FBXW7: variants seen among roughly 807,000 people sequenced by gnomAD.
FBXW7 encodes F-box/WD repeat-containing protein 7.
A neutral mutation model predicts 86.3 loss-of-function variants in FBXW7; 11 were observed. That is an observed-to-expected ratio of 0.13 (90% CI 0.08 to 0.21). The LOEUF (loss-of-function observed/expected upper bound fraction) is 0.21, where lower values mean the gene tolerates loss of function less well. Among genes scored for constraint, FBXW7 ranks in the 10% least tolerant of loss-of-function variants. FBXW7 has a pLI of 1.00. For synonymous variants in FBXW7, 313 were observed against 297.9 expected (o/e 1.05, Z -0.52); for missense variants, 488 against 847.4 (o/e 0.58, Z 5.27).
chr4:152,436,095 A>G (rs1347230002), intron 2 of FBXW7, among the ~76,000 whole-genome samples: 4 of 152,230 alleles, frequency 2.6e-5, no homozygotes, highest in African/African-American at 9.6e-5. Context: ...ATAATCCTAA[A>G]ATGGCCTCTA....
rs570023389 is a variant in FBXW7, at chr4:152,529,751, G to A, written c.-120+5190C>T. Among the ~76,000 whole-genome samples, 5 of 152,182 alleles carry A rather than the reference G, an allele frequency of 3.3e-5. No homozygotes were observed. The South Asian group carries it at 1.0e-3, about 32-fold the overall frequency. ...GGAGGTCGAGGTAGATGGATTACCT[G>A]AGCTCAGGAGTTAAGAGACCAGCCT... On this transcript the variant is annotated intron_variant, in intron 2 of 13. Transcript: ENST00000281708.
chr4:152,504,070 TTAAG>T (rs564135036), intron 2 of FBXW7, among the ~76,000 whole-genome samples: 15 of 152,202 alleles, frequency 9.9e-5, no homozygotes, highest in South Asian at 2.1e-4. Flanking sequence ...CTTTTCACTA[TTAAG>T]TAATAAAAGA....
At chr4:152,422,429 G>T (rs978360594) in intron 2 of FBXW7, among the ~76,000 whole-genome samples, 10 of 152,066 alleles carry the variant, frequency 6.6e-5, no homozygotes, top group Admixed American at 4.6e-4. Flanking sequence ...ACAGACATCA[G>T]GCATTTTAAG....
At chr4:152,327,594 G>C (rs894803227) in intron 11 of FBXW7, among the ~76,000 whole-genome samples, 4 of 152,022 alleles carry the variant, frequency 2.6e-5, no homozygotes, top group Non-Finnish European at 4.4e-5. Flanking sequence ...TTGAAAACTG[G>C]ATCGAGGATT....
At chr4:152,360,642 T>C (rs1732845857) in intron 4 of FBXW7, among the ~76,000 whole-genome samples, 2 of 152,040 alleles carry the variant, frequency 1.3e-5, no homozygotes, top group African/African-American at 4.8e-5. Flanking sequence ...TAGAGCATTT[T>C]GAAGTCTCAG....
At chr4:152,528,509 G>A (rs1749730723) in intron 2 of FBXW7, among the ~76,000 whole-genome samples, 1 of 152,130 alleles carries the variant, frequency 6.6e-6, no homozygotes, top group African/African-American at 2.4e-5. Context: ...AATTGTAAAA[G>A]AACACCTCAG....
intron 2 of FBXW7, among the ~76,000 whole-genome samples, chr4:152,448,156 A>G (rs564796072): frequency 9.8e-5 from 15 of 152,290 alleles, no homozygotes; most frequent in African/African-American, 3.1e-4. Flanking sequence ...TCTCACATAA[A>G]CTCCAGGCTG....
At chr4:152,426,596 G>A (rs112614820) in intron 2 of FBXW7, among the ~76,000 whole-genome samples, 68 of 152,200 alleles carry the variant, frequency 4.5e-4, no homozygotes, top group East Asian at 9.7e-4. Flanking sequence ...TGATCCGCCC[G>A]CCTCGGCCTC....
intron 2 of FBXW7, among the ~76,000 whole-genome samples, chr4:152,417,889 G>C (rs2126903605): frequency 6.6e-6 from 1 of 152,146 alleles, no homozygotes; most frequent in African/African-American, 2.4e-5. Flanking sequence ...TACTAGAATG[G>C]GGATTGCTCC....
At chr4:152,395,051 AGTGT>A (rs1022567957) in intron 4 of FBXW7, among the ~76,000 whole-genome samples, 1 of 151,824 alleles carries the variant, frequency 6.6e-6, no homozygotes, top group Non-Finnish European at 1.5e-5. Context: ...GGTGTGCATA[AGTGT>A]GTGTGTGTGA....
At chr4:152,519,373 CAA>C (rs1748802777) in intron 2 of FBXW7, among the ~76,000 whole-genome samples, 1 of 152,062 alleles carries the variant, frequency 6.6e-6, no homozygotes, top group African/African-American at 2.4e-5. Flanking sequence ...AATTTATACC[CAA>C]GAGACTAACA....
chr4:152,508,316 T>G (rs1392017114), intron 2 of FBXW7, among the ~76,000 whole-genome samples: 1 of 151,960 alleles, frequency 6.6e-6, no homozygotes, highest in Non-Finnish European at 1.5e-5. Flanking sequence ...CAAGGGAAAG[T>G]TCTTCCTTAC....
chr4:152,347,685 T>C (rs1368067970), intron 5 of FBXW7, among the ~76,000 whole-genome samples: 1 of 152,104 alleles, frequency 6.6e-6, no homozygotes, highest in African/African-American at 2.4e-5. Flanking sequence ...CAGGTAAGTA[T>C]TAAGAACTTA....
chr4:152,454,281 G>A (rs1419430092), intron 2 of FBXW7, among the ~76,000 whole-genome samples: 2 of 104,810 alleles, frequency 1.9e-5, no homozygotes, highest in Admixed American at 1.5e-4. Context: ...TTTTTTCCAC[G>A]CCAATACCTT....
intron 2 of FBXW7, among the ~76,000 whole-genome samples, chr4:152,482,545 G>A (rs1016361450): frequency 9.2e-5 from 14 of 152,136 alleles, no homozygotes; most frequent in Admixed American, 3.3e-4. Context: ...GGCTTGCTGT[G>A]TGTTTTCCTA....
intron 2 of FBXW7, among the ~76,000 whole-genome samples, chr4:152,472,161 C>T (rs558077356): frequency 6.6e-6 from 1 of 152,224 alleles, no homozygotes; most frequent in East Asian, 1.9e-4. Context: ...AAGCAAAAAT[C>T]TGTAGCAACT....
intron 2 of FBXW7, among the ~76,000 whole-genome samples, chr4:152,528,385 G>GT (rs1561004408): frequency 6.6e-6 from 1 of 152,188 alleles, no homozygotes; most frequent in Non-Finnish European, 1.5e-5. Context: ...GTGCATTTCT[G>GT]TTTGTTTCTG....
At chr4:152,387,363 G>C (rs1054482660) in intron 4 of FBXW7, among the ~76,000 whole-genome samples, 1 of 152,032 alleles carries the variant, frequency 6.6e-6, no homozygotes, top group African/African-American at 2.4e-5. Context: ...GTATTATCAA[G>C]CATACTCACT....
At chr4:152,527,887 CACACACACACACACATATATAT>C (rs1451857529) in intron 2 of FBXW7, among the ~76,000 whole-genome samples, 1 of 151,632 alleles carries the variant, frequency 6.6e-6, no homozygotes, top group Non-Finnish European at 1.5e-5. Context: ...CACACACACA[CACACACACACACACATATATAT>C]ACACACACAC....
Sources: allele counts gnomAD v4.1 joint callset (sites outside exome capture counted in the v4.1 genomes callset), GRCh38; gene constraint gnomAD v4.1.1; transcripts MANE v1.5; gene names NCBI Gene and HGNC (gene_info 2026-07-23, HGNC 2026-07-21).